BANP: variants seen among roughly 807,000 people sequenced by gnomAD.
The protein encoded by BANP is protein BANP.
Under a neutral mutation model 68.1 loss-of-function variants are expected in BANP, and 11 were observed. The observed-to-expected ratio is 0.16, with a 90% CI of 0.10 to 0.27. The LOEUF (loss-of-function observed/expected upper bound fraction) is 0.27, where lower values mean the gene tolerates loss of function less well. BANP is among the 10% of genes least tolerant of loss of function. The pLI is 1.00. For synonymous variants in BANP, 329 were observed against 303.2 expected, an observed-to-expected ratio of 1.09 and a Z score of -0.88; for missense variants, 504 against 722.7, an observed-to-expected ratio of 0.70 and a Z score of 3.47.
intron 11 of BANP, among the ~76,000 whole-genome samples, chr16:88,040,788 T>C (rs991897813): frequency 1.3e-5 from 2 of 152,240 alleles, no homozygotes; most frequent in Non-Finnish European, 2.9e-5. Flanking sequence ...CCACGCTTGT[T>C]CCAGGTGGTT....
chr16:88,027,377 G>T (rs2077206699), intron 7 of BANP, 106 bp from the exon 8 acceptor site: 3 of 1,280,720 alleles, frequency 2.3e-6, no homozygotes, highest in East Asian at 4.7e-5. Context: ...GCGGGCTGGG[G>T]TGCCTGGGTG....
At chr16:87,979,731 C>T (rs1276057693) in intron 2 of BANP, among the ~76,000 whole-genome samples, 1 of 152,186 alleles carries the variant, frequency 6.6e-6, no homozygotes. Context: ...TTACAATACG[C>T]ATGCTCATAT....
At chr16:87,997,030 G>C (rs554310260) in intron 4 of BANP, among the ~76,000 whole-genome samples, 2 of 152,350 alleles carry the variant, frequency 1.3e-5, no homozygotes, top group East Asian at 3.9e-4. Context: ...CAGGTGCTTA[G>C]GGCTCTGTGA....
chr16:87,949,875 C>CTTTTTTTTT (rs922217438), upstream of BANP: 5 of 139,900 alleles, frequency 3.6e-5, no homozygotes, highest in African/African-American at 7.9e-5. Context: ...TTCTTTCTTT[C>CTTTTTTTTT]TTTTTTTTTT....
chr16:88,016,598 G>A (rs1439629735), intron 6 of BANP, among the ~76,000 whole-genome samples: 2 of 152,238 alleles, frequency 1.3e-5, no homozygotes, highest in Non-Finnish European at 1.5e-5. Context: ...TGGGTGTCCC[G>A]TAAGGATTCG....
At chr16:88,041,942 G>A (rs1024399004) in intron 11 of BANP, among the ~76,000 whole-genome samples, 1 of 152,158 alleles carries the variant, frequency 6.6e-6, no homozygotes, top group Non-Finnish European at 1.5e-5. Context: ...GGTGGGAGAC[G>A]CAGTAGGAGG....
chr16:88,016,746 A>C (rs1210292862), intron 6 of BANP, among the ~76,000 whole-genome samples: 1 of 152,180 alleles, frequency 6.6e-6, no homozygotes, highest in African/African-American at 2.4e-5. Flanking sequence ...ATACAGGTGG[A>C]ATGTAATAGT....
Position 87,953,129 on chromosome 16 carries a change from A to C in BANP, c.-69+1614A>C, listed in dbSNP as rs2057320528. The stretch of plus-strand genomic sequence containing the variant: ...TGAGGTGACTAGGCCCGCAGACACT[A>C]AGGGACTTGCTCAGATTTACAGAGC... On this transcript the variant is annotated intron_variant, in intron 1 of 13. Transcript: ENST00000682872. Among the ~76,000 whole-genome samples, 3 of 152,058 alleles carry C rather than the reference A, an allele frequency of 2.0e-5. No homozygotes were observed. In the South Asian group the frequency reaches 6.2e-4, roughly 32 times the overall value.
At chr16:87,995,845 C>T (rs1461184745) in intron 4 of BANP, among the ~76,000 whole-genome samples, 3 of 152,354 alleles carry the variant, frequency 2.0e-5, no homozygotes, top group South Asian at 2.1e-4. Context: ...GGAAGCAGCG[C>T]GCCCGGCCTT....
intron 11 of BANP, among the ~76,000 whole-genome samples, chr16:88,046,324 A>G (rs1179404737): frequency 6.6e-6 from 1 of 152,240 alleles, no homozygotes; most frequent in Non-Finnish European, 1.5e-5. Context: ...TGTGAAAATG[A>G]TGACCAGGAC....
At chr16:88,043,231 G>T (rs1567851818) in intron 11 of BANP, among the ~76,000 whole-genome samples, 1 of 152,200 alleles carries the variant, frequency 6.6e-6, no homozygotes, top group Non-Finnish European at 1.5e-5. Flanking sequence ...TTAAAATGCA[G>T]TGGCTGGTTC....
chr16:87,984,748 C>T (rs908315905), intron 4 of BANP, among the ~76,000 whole-genome samples: 1 of 152,158 alleles, frequency 6.6e-6, no homozygotes. Flanking sequence ...TTGAGTAGAA[C>T]CTTTATGATG....
intron 1 of BANP, among the ~76,000 whole-genome samples, chr16:87,973,642 C>G (rs948139577): frequency 7.3e-5 from 11 of 151,488 alleles, no homozygotes; most frequent in Admixed American, 6.6e-4. Flanking sequence ...GCCTGTAATC[C>G]CAGCTACTCA....
At position 88,066,309 on chromosome 16, in the gene BANP, CCT is replaced by C. The variant is rs780736693; in HGVS notation, c.1377+978_1377+979del. ...GAATGTCCAGGGAAAATTCCTCACCCCTGAGGCTGACATTACCAGCAGGCGGT... is the reference window on the plus strand; with the variant it reads ...GAATGTCCAGGGAAAATTCCTCACCCGAGGCTGACATTACCAGCAGGCGGT... On this transcript the variant is annotated intron_variant, in intron 12 of 13. Coordinates refer to ENST00000682872, the MANE Select transcript of BANP (RefSeq NM_001386991.1). 1.5e-3 allele frequency among the ~76,000 whole-genome samples: 227 copies of C among 152,318 alleles called. 3 individuals are homozygous for C. The highest frequency in any genetic ancestry group is 6.0e-4 in the Non-Finnish European group (41 of 68,034).
intron 7 of BANP, among the ~76,000 whole-genome samples, chr16:88,021,756 C>T (rs540200306): frequency 6.6e-6 from 1 of 152,352 alleles, no homozygotes; most frequent in Non-Finnish European, 1.5e-5. Context: ...ACCTTACTCT[C>T]TGCTGTTGCT....
chr16:87,977,850 T>TATTC (rs1284647164), intron 2 of BANP, among the ~76,000 whole-genome samples: 8 of 151,780 alleles, frequency 5.3e-5, no homozygotes, highest in Non-Finnish European at 1.0e-4. Flanking sequence ...TATCTTTATT[T>TATTC]ATTTAAGACA....
chr16:88,044,802 T>C (rs1318456957), intron 11 of BANP, among the ~76,000 whole-genome samples: 1 of 152,126 alleles, frequency 6.6e-6, no homozygotes, highest in Non-Finnish European at 1.5e-5. Flanking sequence ...GCTAACACGG[T>C]GAAACCCCTT....
At chr16:87,952,655 C>T (rs540262053) in intron 1 of BANP, 3 of 152,324 alleles carry the variant, frequency 2.0e-5, no homozygotes, top group Admixed American at 1.3e-4. Flanking sequence ...TCGCAGATAT[C>T]CAGTGCTAGA....
chr16:88,076,475 G>A (rs2091644178), intron 13 of BANP, 115 bp from the exon 14 acceptor site: 2 of 860,468 alleles, frequency 2.3e-6, no homozygotes, highest in Non-Finnish European at 3.5e-6. Flanking sequence ...GCTCCTTCGC[G>A]CTCCTGTGTG....
Sources: allele counts gnomAD v4.1 joint callset (sites outside exome capture counted in the v4.1 genomes callset), GRCh38; gene constraint gnomAD v4.1.1; transcripts MANE v1.5; gene names NCBI Gene and HGNC (gene_info 2026-07-23, HGNC 2026-07-21).